Variants in MYO5B observed in about 807,000 individuals in gnomAD.
MYO5B encodes the protein unconventional myosin-Vb.
MYO5B carries 143 observed loss-of-function variants against 229.3 expected under a neutral mutation model. The observed-to-expected ratio is 0.62, with a 90% CI of 0.54 to 0.72. The LOEUF is 0.72. Ranked by LOEUF, MYO5B falls within the 30% of genes least tolerant of loss-of-function variation. The pLI, the probability that MYO5B is intolerant of heterozygous loss-of-function variation, is 0.00. For synonymous variants in MYO5B, 918 were observed against 885.2 expected (o/e 1.04, Z -0.66); for missense variants, 2,321 against 2,331.0 (o/e 1.00, Z 0.09).
intron 25 of MYO5B, 145 bp from the exon 26 acceptor site, chr18:49,875,972 A>G (rs1272160135): frequency 3.1e-6 from 3 of 956,234 alleles, no homozygotes; most frequent in Admixed American, 4.0e-5. Flanking sequence ...TACAAAGCCA[A>G]TGACAACCAA....
chr18:49,847,359 C>G, intron 32 of MYO5B, 70 bp from the exon 33 acceptor site: 1 of 1,565,774 alleles, frequency 6.4e-7, no homozygotes, highest in South Asian at 1.2e-5. Flanking sequence ...GCGGGCATCT[C>G]TGGCGGGTGG....
At chr18:49,987,907 T>A (rs1568060243) in intron 7 of MYO5B, among the ~76,000 whole-genome samples, 1 of 152,026 alleles carries the variant, frequency 6.6e-6, no homozygotes, top group Non-Finnish European at 1.5e-5. Flanking sequence ...GGCCAGGAGA[T>A]TATTCTAGGG....
intron 1 of MYO5B, among the ~76,000 whole-genome samples, chr18:50,156,271 T>A (rs1386974573): frequency 6.6e-6 from 1 of 152,236 alleles, no homozygotes; most frequent in Admixed American, 6.5e-5. Context: ...TGTTTCAAGA[T>A]GCTAAGACCC....
intron 4 of MYO5B, among the ~76,000 whole-genome samples, chr18:50,028,142 T>C (rs1047106981): frequency 2.6e-5 from 4 of 152,196 alleles, no homozygotes; most frequent in African/African-American, 7.2e-5. Context: ...TATGTGCAAT[T>C]TAATGTGTGT....
At chr18:50,055,788 CT>C (rs34607365) in intron 1 of MYO5B, among the ~76,000 whole-genome samples, 5,816 of 152,284 alleles carry the variant, frequency 0.038, 366 homozygotes, top group African/African-American at 0.13. Context: ...ATGTTCAAAG[CT>C]TGGGAATCTC....
intron 31 of MYO5B, chr18:49,850,438 GA>G (rs1403106915): frequency 6.6e-6 from 1 of 152,388 alleles, no homozygotes; most frequent in Non-Finnish European, 1.5e-5. Context: ...CAGTCCCAGG[GA>G]TGTGGCCATC....
chr18:50,140,936 C>A (rs1242050933), intron 1 of MYO5B, among the ~76,000 whole-genome samples: 2 of 152,240 alleles, frequency 1.3e-5, no homozygotes, highest in African/African-American at 4.8e-5. Context: ...AAACGTGTTA[C>A]TTTCCTGGCA....
chr18:49,956,476 G>A (rs941054902), intron 12 of MYO5B, among the ~76,000 whole-genome samples: 7 of 152,160 alleles, frequency 4.6e-5, no homozygotes, highest in Non-Finnish European at 1.0e-4. Flanking sequence ...CCTGCCTGAC[G>A]ACAGAGTTTT....
intron 1 of MYO5B, among the ~76,000 whole-genome samples, chr18:50,126,750 C>T (rs115133998): frequency 1.1e-3 from 163 of 152,318 alleles, no homozygotes; most frequent in African/African-American, 3.8e-3. Flanking sequence ...CATTTTCACA[C>T]CATCTTCTAG....
chr18:50,020,792 T>G (rs1227201513), intron 4 of MYO5B, among the ~76,000 whole-genome samples: 1 of 152,222 alleles, frequency 6.6e-6, no homozygotes, highest in African/African-American at 2.4e-5. Context: ...CCAGAAAATA[T>G]ATGTTTTAAT....
At chr18:49,872,084 G>A in intron 27 of MYO5B, 83 bp downstream of exon 27, 1 of 1,289,320 alleles carries the variant, frequency 7.8e-7, no homozygotes, top group Non-Finnish European at 1.1e-6. Flanking sequence ...TGGGGCTCAG[G>A]GCCTGATTTC....
chr18:50,041,029 G>C (rs1019225801), intron 2 of MYO5B, among the ~76,000 whole-genome samples: 2 of 152,140 alleles, frequency 1.3e-5, no homozygotes, highest in Non-Finnish European at 2.9e-5. Context: ...ATCTAACACA[G>C]GTAGTTTATA....
At chr18:50,068,806 C>A (rs566721794) in intron 1 of MYO5B, among the ~76,000 whole-genome samples, 2 of 152,234 alleles carry the variant, frequency 1.3e-5, no homozygotes, top group African/African-American at 2.4e-5. Flanking sequence ...CTTGGTTTTC[C>A]CAATCAGTAG....
At chr18:49,982,140 C>T (rs989017139) in intron 8 of MYO5B, among the ~76,000 whole-genome samples, 3 of 152,178 alleles carry the variant, frequency 2.0e-5, no homozygotes, top group Non-Finnish European at 2.9e-5. Flanking sequence ...TCCAGTGGCA[C>T]AGTCACTGCA....
At chr18:50,125,666 G>A (rs987036960) in intron 1 of MYO5B, among the ~76,000 whole-genome samples, 5 of 152,154 alleles carry the variant, frequency 3.3e-5, no homozygotes, top group African/African-American at 7.2e-5. Context: ...TTCTAGGAAT[G>A]TAACTGAGAG....
chr18:50,024,859 G>C (rs1374027575), intron 4 of MYO5B, among the ~76,000 whole-genome samples: 6 of 152,310 alleles, frequency 3.9e-5, no homozygotes, highest in Admixed American at 1.3e-4. Context: ...AAATCATGGA[G>C]ATAGTTAAAA....
chr18:50,150,877 C>T (rs1453188179), intron 1 of MYO5B, among the ~76,000 whole-genome samples: 1 of 152,184 alleles, frequency 6.6e-6, no homozygotes, highest in Non-Finnish European at 1.5e-5. Context: ...GAAGCCACAA[C>T]ATATAGCTGA....
chr18:50,050,311 T>A (rs919160084), intron 2 of MYO5B, among the ~76,000 whole-genome samples: 2 of 152,160 alleles, frequency 1.3e-5, no homozygotes, highest in Non-Finnish European at 2.9e-5. Context: ...ACAGCAGGCA[T>A]TTAAGTTGCA....
intron 4 of MYO5B, among the ~76,000 whole-genome samples, chr18:50,029,466 C>G (rs2026365762): frequency 6.6e-6 from 1 of 152,214 alleles, no homozygotes; most frequent in South Asian, 2.1e-4. Context: ...CTAACCCTGA[C>G]TTGAAATTAT....
Sources: gnomAD v4.1 joint callset for allele counts (sites outside exome capture counted in the v4.1 genomes callset) on GRCh38, gnomAD v4.1.1 for gene constraint, MANE v1.5 for transcripts, NCBI Gene and HGNC (gene_info 2026-07-23, HGNC 2026-07-21) for gene names.